ITCH: variants seen among roughly 807,000 people sequenced by gnomAD.
ITCH encodes E3 ubiquitin-protein ligase Itchy homolog.
ITCH carries 28 observed loss-of-function variants against 126.8 expected under a neutral mutation model. The ratio of observed to expected loss-of-function variants is 0.22; its 90% confidence interval spans 0.16 to 0.30. The LOEUF (loss-of-function observed/expected upper bound fraction) is 0.30. Among genes scored for constraint, ITCH ranks in the 10% least tolerant of loss-of-function variants. The pLI is 1.00. For synonymous variants in ITCH, 342 were observed against 340.0 expected, an observed-to-expected ratio of 1.01 and a Z score of -0.06; for missense variants, 631 against 1,032.4, an observed-to-expected ratio of 0.61 and a Z score of 5.33.
At position 34,471,491 on chromosome 20, in the gene ITCH, ATTGT is replaced by A; in HGVS notation, c.1549_1552del (p.Phe517ArgfsTer7). Reference sequence around the variant, plus strand: ...TAAAGATTACAGTGACAAGAAAAACATTGTTTGAGGATTCCTTTCAACAGGTACT... The same window carrying A: ...TAAAGATTACAGTGACAAGAAAAACATTGAGGATTCCTTTCAACAGGTACT... On this transcript the variant is annotated frameshift_variant, in exon 16 of 25. Coordinates refer to ENST00000374864, the MANE Select transcript of ITCH (RefSeq NM_031483.7). LOFTEE classifies it high-confidence loss of function. 1 of 1,607,408 alleles carries A rather than the reference ATTGT, an allele frequency of 6.2e-7. No individual in the cohort carries two copies.
At chr20:34,489,690 C>A (rs540595355) in intron 21 of ITCH, 132 bp from the exon 22 acceptor site, 1 of 744,370 alleles carries the variant, frequency 1.3e-6, no homozygotes, top group Non-Finnish European at 2.4e-6. Flanking sequence ...AGATATAATT[C>A]TTGATGTATA....
At chr20:34,505,414 C>T (rs557794925) in intron 24 of ITCH, among the ~76,000 whole-genome samples, 95 of 152,182 alleles carry the variant, frequency 6.2e-4, no homozygotes, top group African/African-American at 2.2e-3. Flanking sequence ...AATTTTTTCA[C>T]CCTCCCAAAA....
At chr20:34,402,793 A>G (rs954310577) in intron 3 of ITCH, 3 of 229,870 alleles carry the variant, frequency 1.3e-5, no homozygotes, top group African/African-American at 2.3e-5. Flanking sequence ...TTTTTATTTG[A>G]TGTTTGTTGT....
intron 3 of ITCH, among the ~76,000 whole-genome samples, chr20:34,396,908 T>A (rs6088483): frequency 0.55 from 83,257 of 151,960 alleles, 23,322 homozygotes; most frequent in Admixed American, 0.64. Context: ...ATCCAATATG[T>A]TTCATTCCTG....
At chr20:34,398,256 T>G (rs1375352363) in intron 3 of ITCH, among the ~76,000 whole-genome samples, 1 of 151,844 alleles carries the variant, frequency 6.6e-6, no homozygotes, top group Non-Finnish European at 1.5e-5. Flanking sequence ...AGAGATGGCG[T>G]TTTGCTCTGT....
At chr20:34,382,090 T>G (rs2038087544) in intron 2 of ITCH, among the ~76,000 whole-genome samples, 1 of 152,182 alleles carries the variant, frequency 6.6e-6, no homozygotes, top group South Asian at 2.1e-4. Context: ...CTTTTTGAAT[T>G]TAATCGGAGG....
intron 3 of ITCH, chr20:34,402,271 T>C: frequency 8.0e-7 from 1 of 1,248,208 alleles, no homozygotes; most frequent in Non-Finnish European, 1.2e-6. Context: ...TACTTGACAG[T>C]CTTCAGGTCA....
At chr20:34,484,493 TTATGA>T (rs976405902) in intron 20 of ITCH, among the ~76,000 whole-genome samples, 1 of 152,234 alleles carries the variant, frequency 6.6e-6, no homozygotes, top group Non-Finnish European at 1.5e-5. Context: ...AGTTTTTTTG[TTATGA>T]TATGTCTAGA....
chr20:34,448,671 A>C (rs1380129104), intron 11 of ITCH, among the ~76,000 whole-genome samples: 1 of 152,136 alleles, frequency 6.6e-6, no homozygotes, highest in African/African-American at 2.4e-5. Flanking sequence ...GAAAGGGTTT[A>C]ACCAAATCTT....
chr20:34,477,367 C>T (rs1472236713), intron 16 of ITCH, among the ~76,000 whole-genome samples: 1 of 152,146 alleles, frequency 6.6e-6, no homozygotes, highest in East Asian at 1.9e-4. Flanking sequence ...CCCGTCTCTA[C>T]TAAAAATACA....
intron 7 of ITCH, 58 bp from the exon 8 acceptor site, chr20:34,438,413 TAAA>T: frequency 6.4e-7 from 1 of 1,570,356 alleles, no homozygotes; most frequent in Admixed American, 1.7e-5. Flanking sequence ...TTTTTTTTCT[TAAA>T]TTCAAGGAGT....
intron 14 of ITCH, among the ~76,000 whole-genome samples, chr20:34,465,413 A>G (rs1986956978): frequency 6.6e-6 from 1 of 152,022 alleles, no homozygotes; most frequent in African/African-American, 2.4e-5. Flanking sequence ...TTTCTGAAAA[A>G]AAGAAGTCAT....
At chr20:34,399,290 G>A (rs577671690) in intron 3 of ITCH, among the ~76,000 whole-genome samples, 15 of 152,174 alleles carry the variant, frequency 9.9e-5, no homozygotes, top group African/African-American at 3.4e-4. Flanking sequence ...TACTCGGGGG[G>A]CTGAGGCAGG....
intron 3 of ITCH, among the ~76,000 whole-genome samples, chr20:34,405,436 C>T (rs1448409167): frequency 1.3e-5 from 2 of 151,740 alleles, no homozygotes; most frequent in Non-Finnish European, 2.9e-5. Flanking sequence ...ACCCGGCAGG[C>T]GGAGGTTGCA....
chr20:34,413,847 T>C lies in ITCH; in HGVS notation c.443T>C (p.Val148Ala). 2 of 1,613,766 alleles carry C rather than the reference T, an allele frequency of 1.2e-6. No individual in the cohort carries two copies. Among genetic ancestry groups the C allele is most frequent in the South Asian group, 1.1e-5 (1 of 91,076 alleles). Residue 148 changes from valine to alanine, a missense_variant, in exon 6 of 25, where the codon GTT (valine) becomes GCT (alanine). By Grantham distance (64) the Val-to-Ala change is moderately conservative. Coordinates refer to ENST00000374864, the MANE Select transcript of ITCH (RefSeq NM_031483.7). Reference sequence around the variant, plus strand: ...GATGGGCTACAGTTAGAGTCTGAAGTTGTTACCAATGGTGAAACTACATGT... The same window carrying C: ...GATGGGCTACAGTTAGAGTCTGAAGCTGTTACCAATGGTGAAACTACATGT... The part of the protein sequence containing the change: ...CLDGLQLESE[V>A]VTNGETTCSE...
intron 16 of ITCH, among the ~76,000 whole-genome samples, chr20:34,475,694 AGGCAGGGGCAGGGGCAGGGGCAGG>A (rs1197240224): frequency 1.4e-5 from 2 of 142,264 alleles, no homozygotes; most frequent in South Asian, 2.5e-4. Flanking sequence ...GGAGAGGCAG[AGGCAGGGGCAGGGGCAGGGGCAGG>A]GGCAGGGGCA....
intron 2 of ITCH, among the ~76,000 whole-genome samples, chr20:34,389,668 C>G (rs1212795015): frequency 6.6e-6 from 1 of 152,142 alleles, no homozygotes; most frequent in African/African-American, 2.4e-5. Context: ...ATCCCTACAA[C>G]CACTAGAAAG....
At chr20:34,448,269 T>C (rs530168949) in intron 11 of ITCH, among the ~76,000 whole-genome samples, 2 of 152,124 alleles carry the variant, frequency 1.3e-5, no homozygotes, top group Non-Finnish European at 2.9e-5. Context: ...GGCGCGTGCC[T>C]GTGATCCCAG....
At chr20:34,413,639 T>A (rs1167918535) in intron 5 of ITCH, 103 bp from the exon 6 acceptor site, 4 of 1,057,364 alleles carry the variant, frequency 3.8e-6, no homozygotes, top group Non-Finnish European at 5.5e-6. Context: ...CATATAGTTA[T>A]ATTTTCTCGG....
Sources: gnomAD v4.1 joint callset for allele counts (sites outside exome capture counted in the v4.1 genomes callset) on GRCh38, gnomAD v4.1.1 for gene constraint, MANE v1.5 for transcripts, NCBI Gene and HGNC (gene_info 2026-07-23, HGNC 2026-07-21) for gene names.